Variants in ZNF121 observed in about 807,000 individuals in gnomAD.
The protein encoded by ZNF121 is zinc finger protein 121 (clone ZHC32).
In ZNF121, 1 loss-of-function variant was observed where a neutral mutation model predicts 2.4. The ratio of observed to expected loss-of-function variants is 0.41; its 90% CI spans 0.15 to 1.94. The LOEUF (loss-of-function observed/expected upper bound fraction) is 1.94, where lower values mean the gene tolerates loss of function less well. ZNF121 is among the 30% of genes most tolerant of loss of function. The pLI is 0.30. For missense variants in ZNF121, 369 were observed against 466.3 expected (o/e 0.79, Z 1.92); for synonymous variants, 173 against 158.6 (o/e 1.09, Z -0.68).
chr19:9,583,582 C>A (rs958883915), intron 1 of ZNF121, among the ~76,000 whole-genome samples: 10 of 148,134 alleles, frequency 6.8e-5, no homozygotes, highest in African/African-American at 2.5e-4. Context: ...CGGCTCACTG[C>A]AAGCTCCGCC....
In ZNF121 at chr19:9,564,476, G is replaced by A. The variant is rs1460075214; in HGVS notation, c.*1464C>T. Reference sequence around the variant, plus strand: ...TCATAGGTGACTCTGAGGGGTTCAAGTCTTCAGTGGAAAAAGTAACTGTGG... The same window carrying A: ...TCATAGGTGACTCTGAGGGGTTCAAATCTTCAGTGGAAAAAGTAACTGTGG... On this transcript the variant is annotated 3_prime_UTR_variant, in exon 4 of 4. Transcript: ENST00000320451. 1 of 152,150 alleles carries A rather than the reference G, an allele frequency of 6.6e-6. No individual in the cohort carries two copies. Among genetic ancestry groups the A allele is most frequent in the African/African-American group, 2.4e-5 (1 of 41,446 alleles). The allele number at this position is 152,150 out of a possible 1,614,324, so 9.4% of individuals were successfully genotyped here.
Position 9,565,300 on chromosome 19 carries a change from T to C in ZNF121, c.*640A>G, listed in dbSNP as rs1168465247. The C allele has an allele frequency of 2.9e-5, 4 of 136,290 alleles. No homozygotes were observed. The highest frequency in any genetic ancestry group is 6.1e-5 in the Non-Finnish European group (4 of 66,094). The allele number at this position is 136,290 out of a possible 1,614,324, so 8.4% of individuals were successfully genotyped here. ...CCATGGTGAGTTCTCAAATGTTGGA[T>C]TGTGACCACAATCCAATCCCTTGAG... is the stretch of plus-strand genomic sequence containing the variant. On this transcript the variant is annotated 3_prime_UTR_variant, in exon 4 of 4. Coordinates refer to ENST00000320451, the MANE Select transcript of ZNF121 (RefSeq NM_001008727.5).
chr19:9,565,861 A>T lies in ZNF121; in HGVS notation c.*79T>A. 2 of 1,156,708 alleles carry T rather than the reference A, an allele frequency of 1.7e-6. No homozygotes were observed. The highest frequency in any genetic ancestry group is 2.4e-6 in the Non-Finnish European group (2 of 836,388). The allele number at this position is 1,156,708 out of a possible 1,614,324, so 71.7% of individuals were successfully genotyped here. ...CTTTGTACCAATAAAATTTCTCTTC[A>T]GTGTGAATTCAAATGTGGTAATTAT... On this transcript the variant is annotated 3_prime_UTR_variant, in exon 4 of 4. Transcript: ENST00000320451.
intron 3 of ZNF121, 66 bp from the exon 4 acceptor site, chr19:9,567,175 T>C: frequency 4.3e-6 from 6 of 1,389,156 alleles, no homozygotes. Flanking sequence ...TTTACCCATC[T>C]GAAATCAGAC....
chr19:9,568,212 T>C, intron 2 of ZNF121, 37 bp from the exon 3 acceptor site: 1 of 1,071,750 alleles, frequency 9.3e-7, no homozygotes, highest in South Asian at 1.8e-5. Flanking sequence ...AAAAATAGGG[T>C]CTGAGAACAA....
chr19:9,578,237 T>C (rs1049009856), intron 1 of ZNF121, among the ~76,000 whole-genome samples: 2 of 149,844 alleles, frequency 1.3e-5, no homozygotes, highest in African/African-American at 4.9e-5. Context: ...AGACTCCACC[T>C]CAAAAAATTA....
Position 9,566,969 on chromosome 19 carries a change from A to T in ZNF121, c.144T>A (p.Phe48Leu). Residue 48 changes from phenylalanine (F) to leucine (L), a missense_variant, in exon 4 of 4, where the codon TTT becomes TTA. By Grantham distance (22) the Phe-to-Leu change is conservative (BLOSUM62 0). Coordinates refer to ENST00000320451, the MANE Select transcript of ZNF121 (RefSeq NM_001008727.5). ...TYDCDEYGENFPMLHNSAPAG... is the reference protein window; with the variant it reads ...TYDCDEYGENLPMLHNSAPAG... ...CAGGGGCACTGTTGTGTAACATGGG[A>T]AAGTTTTCTCCATACTCATCACAGT... is the stretch of plus-strand genomic sequence containing the variant. 1 of 1,614,144 alleles carries T rather than the reference A, an allele frequency of 6.2e-7. No homozygotes were observed. The highest frequency in any genetic ancestry group is 1.1e-5 in the South Asian group (1 of 91,078).
chr19:9,573,860 T>C (rs2074191053), intron 1 of ZNF121, among the ~76,000 whole-genome samples: 4 of 152,156 alleles, frequency 2.6e-5, no homozygotes, highest in Admixed American at 6.5e-5. Flanking sequence ...TTTCTTTCTT[T>C]TTTTGTGAGA....
In ZNF121 at chr19:9,564,956, CACATGATCA is replaced by C. The variant is rs1406220392; in HGVS notation, c.*975_*983del. 1 of 152,202 alleles carries C rather than the reference CACATGATCA, an allele frequency of 6.6e-6. No homozygotes were observed. Among genetic ancestry groups the C allele is most frequent in the African/African-American group, 2.4e-5 (1 of 41,444 alleles). The allele number at this position is 152,202 out of a possible 1,614,324, so 9.4% of individuals were successfully genotyped here. ...AAAAGATTACAACTCACCAAAGTCT[CACATGATCA>C]TTAGCACTTTTTGGCAATAAAGTAT... On this transcript the variant is annotated 3_prime_UTR_variant, in exon 4 of 4. Coordinates refer to ENST00000320451, the MANE Select transcript of ZNF121 (RefSeq NM_001008727.5).
At chr19:9,568,055 T>C in intron 3 of ZNF121, 40 bp downstream of exon 3, 1 of 1,527,816 alleles carries the variant, frequency 6.5e-7, no homozygotes, top group Non-Finnish European at 8.8e-7. Context: ...TGAATCCCAA[T>C]CTTTTTTTGA....
At chr19:9,570,534 C>T (rs1338777087) in intron 1 of ZNF121, among the ~76,000 whole-genome samples, 3 of 152,056 alleles carry the variant, frequency 2.0e-5, no homozygotes, top group African/African-American at 7.2e-5. Flanking sequence ...GCAAAGAATA[C>T]CATCACTGAG....
At chr19:9,569,160 T>C (rs551255132) in intron 1 of ZNF121, 78 bp from the exon 2 acceptor site, 10 of 152,376 alleles carry the variant, frequency 6.6e-5, no homozygotes, top group Non-Finnish European at 1.3e-4. Flanking sequence ...AAAACAACTA[T>C]ATTCCTAAAG....
chr19:9,570,471 C>T (rs940760107), intron 1 of ZNF121, among the ~76,000 whole-genome samples: 17 of 152,174 alleles, frequency 1.1e-4, no homozygotes, highest in African/African-American at 3.6e-4. Flanking sequence ...GCGGGAGTGT[C>T]GTAATCCTTG....
chr19:9,571,445 C>T (rs1257707896), intron 1 of ZNF121, among the ~76,000 whole-genome samples: 1 of 152,124 alleles, frequency 6.6e-6, no homozygotes, highest in East Asian at 1.9e-4. Flanking sequence ...CTCCAATTAC[C>T]GCCATTTTTC....
chr19:9,565,737 T>C lies in ZNF121; in HGVS notation c.*203A>G. 2.8e-6 allele frequency: 1 copy of C among 351,400 alleles called. No homozygotes were observed. The highest frequency in any genetic ancestry group is 5.1e-6 in the Non-Finnish European group (1 of 197,866). The allele number at this position is 351,400 out of a possible 1,614,324, so 21.8% of individuals were successfully genotyped here. On this transcript the variant is annotated 3_prime_UTR_variant, in exon 4 of 4. Coordinates refer to ENST00000320451, the MANE Select transcript of ZNF121 (RefSeq NM_001008727.5). ...ATAAAATAATAAAAAAAGATTCCAT[T>C]GGCTCCCTAACATTCCTAAAATTTA...
In ZNF121 at chr19:9,565,353, C is replaced by CTAAAAAAAAAAAAAAAAAAAAAA. The variant is rs2074122667; in HGVS notation, c.*586_*587insTTTTTTTTTTTTTTTTTTTTTTA. 3.4e-5 allele frequency: 1 copy of CTAAAAAAAAAAAAAAAAAAAAAA among 29,816 alleles called. No homozygotes were observed. Among genetic ancestry groups the CTAAAAAAAAAAAAAAAAAAAAAA allele is most frequent in the Non-Finnish European group, 6.7e-5 (1 of 14,896 alleles). The allele number at this position is 29,816 out of a possible 1,614,324, so 1.8% of individuals were successfully genotyped here. On this transcript the variant is annotated 3_prime_UTR_variant, in exon 4 of 4. Transcript: ENST00000320451. ...AAGAATGTGTATTAACAACGACTTA[C>CTAAAAAAAAAAAAAAAAAAAAAA]AAAAAAAAAAAAAAAAAAAAAAAAA...
At chr19:9,578,106 C>T (rs1379628980) in intron 1 of ZNF121, among the ~76,000 whole-genome samples, 2 of 151,882 alleles carry the variant, frequency 1.3e-5, no homozygotes, top group Non-Finnish European at 2.9e-5. Context: ...CCTGTAGTCC[C>T]AGCTACTCAG....
At position 9,566,354 on chromosome 19, in the gene ZNF121, C is replaced by T. The variant is rs777872591; in HGVS notation, c.759G>A (p.Glu253=). Residue 253 remains glutamate, a synonymous_variant, in exon 4 of 4, where the codon GAG becomes GAA. Transcript: ENST00000320451. The part of the protein sequence containing the change: ...LTEHFKTHTE[E]KPFECKVCGK... ...CACATACCTTACATTCAAAGGGCTT[C>T]TCCTCTGTGTGAGTTTTAAAATGTT... is the stretch of plus-strand genomic sequence containing the variant. 8.1e-6 allele frequency: 13 copies of T among 1,613,770 alleles called. No homozygotes were observed. The East Asian group carries it at 2.5e-4, about 30-fold the overall frequency.
intron 1 of ZNF121, among the ~76,000 whole-genome samples, chr19:9,575,466 G>C (rs1049776220): frequency 6.6e-6 from 1 of 151,548 alleles, no homozygotes; most frequent in Non-Finnish European, 1.5e-5. Context: ...CTCTATAGCT[G>C]GGAGTAGTGG....
Sources: gnomAD v4.1 joint callset for allele counts (sites outside exome capture counted in the v4.1 genomes callset) on GRCh38, gnomAD v4.1.1 for gene constraint, MANE v1.5 for transcripts, NCBI Gene and HGNC (gene_info 2026-07-23, HGNC 2026-07-21) for gene names.